Variants in LDLRAD3 observed in about 807,000 individuals in gnomAD.
LDLRAD3 encodes low density lipoprotein receptor class A domain containing 3.
Under a neutral mutation model 29.4 loss-of-function variants are expected in LDLRAD3, and 20 were observed. The observed-to-expected ratio is 0.68, with a 90% CI of 0.48 to 0.99. LDLRAD3 has a LOEUF of 0.99. Among genes scored for constraint, LDLRAD3 ranks in the 50% least tolerant of loss-of-function variants. LDLRAD3 has a pLI of 0.00. For missense variants in LDLRAD3, 420 were observed against 454.3 expected (o/e 0.92, Z 0.69); for synonymous variants, 157 against 192.7 (o/e 0.81, Z 1.53).
chr11:36,124,403 G>A (rs1258948365), intron 4 of LDLRAD3, among the ~76,000 whole-genome samples: 2 of 152,142 alleles, frequency 1.3e-5, no homozygotes, highest in Admixed American at 1.3e-4. Flanking sequence ...AACCCTATAA[G>A]GTAGGTATTC....
At chr11:36,150,470 G>A (rs1432841250) in intron 4 of LDLRAD3, among the ~76,000 whole-genome samples, 1 of 152,068 alleles carries the variant, frequency 6.6e-6, no homozygotes, top group Non-Finnish European at 1.5e-5. Flanking sequence ...CCAGGCTGCC[G>A]TGTGTTATAA....
intron 2 of LDLRAD3, among the ~76,000 whole-genome samples, chr11:36,047,129 G>T (rs917050386): frequency 6.6e-6 from 1 of 152,126 alleles, no homozygotes; most frequent in Admixed American, 6.5e-5. Context: ...ACCTGGGAGG[G>T]CTCCAACTGG....
intron 4 of LDLRAD3, among the ~76,000 whole-genome samples, chr11:36,154,582 C>T (rs1854321106): frequency 6.6e-6 from 1 of 152,180 alleles, no homozygotes; most frequent in African/African-American, 2.4e-5. Flanking sequence ...CCTGTGTTTC[C>T]TGAACTTAAT....
intron 4 of LDLRAD3, among the ~76,000 whole-genome samples, chr11:36,155,323 C>T (rs918577330): frequency 7.2e-5 from 11 of 152,150 alleles, no homozygotes; most frequent in East Asian, 3.8e-4. Context: ...ATTATTTATC[C>T]GGGTCCTTTG....
rs1198185364 is a variant in LDLRAD3 at position 35,948,154 on chromosome 11, A to G, written c.46+4010A>G. 4.6e-5 allele frequency among the ~76,000 whole-genome samples: 7 copies of G among 152,170 alleles called. No homozygotes were observed. The South Asian group carries it at 1.0e-3, about 23-fold the overall frequency. ...TTCGTTTTCATTCTTTGAGCTCTAAATTCGTATTCCCCTCTTAAAATGTGT... is the reference window on the plus strand; with the variant it reads ...TTCGTTTTCATTCTTTGAGCTCTAAGTTCGTATTCCCCTCTTAAAATGTGT... On this transcript the variant is annotated intron_variant, in intron 1 of 5. Coordinates refer to ENST00000315571, the MANE Select transcript of LDLRAD3 (RefSeq NM_174902.4).
chr11:36,120,129 A>T (rs1006426255), intron 4 of LDLRAD3, among the ~76,000 whole-genome samples: 1 of 152,176 alleles, frequency 6.6e-6, no homozygotes, highest in Non-Finnish European at 1.5e-5. Context: ...GCTGTTTTAA[A>T]TAAATACACT....
chr11:36,020,099 A>G (rs917665144), intron 1 of LDLRAD3, among the ~76,000 whole-genome samples: 7 of 152,156 alleles, frequency 4.6e-5, no homozygotes, highest in Non-Finnish European at 8.8e-5. Context: ...TCTGGAGGCA[A>G]GCTTTTACCT....
chr11:35,982,993 A>G (rs1851562116), intron 1 of LDLRAD3, among the ~76,000 whole-genome samples: 1 of 151,776 alleles, frequency 6.6e-6, no homozygotes, highest in Non-Finnish European at 1.5e-5. Flanking sequence ...TGCTGGGACT[A>G]CAGGTGTGCA....
chr11:36,050,703 G>T (rs1852514404), intron 2 of LDLRAD3, among the ~76,000 whole-genome samples: 1 of 152,182 alleles, frequency 6.6e-6, no homozygotes, highest in African/African-American at 2.4e-5. Context: ...CCTTTAGAAG[G>T]ATGTAGAGTT....
At chr11:36,142,384 A>G (rs1854098546) in intron 4 of LDLRAD3, among the ~76,000 whole-genome samples, 1 of 152,294 alleles carries the variant, frequency 6.6e-6, no homozygotes, top group East Asian at 1.9e-4. Flanking sequence ...GTGATTTGTC[A>G]TCATATTCCG....
intron 4 of LDLRAD3, among the ~76,000 whole-genome samples, chr11:36,176,413 G>T (rs1369758994): frequency 4.0e-5 from 6 of 151,138 alleles, no homozygotes; most frequent in African/African-American, 1.5e-4. Context: ...GGCCCTGTGG[G>T]ATTTATGCTT....
chr11:36,192,110 G>C (rs755544702), intron 4 of LDLRAD3, among the ~76,000 whole-genome samples: 1 of 152,168 alleles, frequency 6.6e-6, no homozygotes, highest in Non-Finnish European at 1.5e-5. Context: ...CAAAGAATGC[G>C]ATCGCTTTTA....
At chr11:36,182,655 C>G (rs773146256) in intron 4 of LDLRAD3, among the ~76,000 whole-genome samples, 2 of 152,124 alleles carry the variant, frequency 1.3e-5, no homozygotes, top group Admixed American at 6.6e-5. Context: ...TTCCACAAGC[C>G]CCTTGTTCAC....
intron 1 of LDLRAD3, among the ~76,000 whole-genome samples, chr11:35,986,217 A>G (rs1851613492): frequency 6.6e-6 from 1 of 152,168 alleles, no homozygotes; most frequent in Non-Finnish European, 1.5e-5. Context: ...ATCTCTAGGA[A>G]GAGGCTGAAT....
chr11:35,982,670 A>G (rs1425216115), intron 1 of LDLRAD3, among the ~76,000 whole-genome samples: 1 of 152,064 alleles, frequency 6.6e-6, no homozygotes, highest in African/African-American at 2.4e-5. Flanking sequence ...CACTTGCCCC[A>G]CAGTCTGTCA....
At chr11:36,160,862 TG>T (rs1590320357) in intron 4 of LDLRAD3, among the ~76,000 whole-genome samples, 2 of 138,264 alleles carry the variant, frequency 1.4e-5, no homozygotes, top group East Asian at 4.1e-4. Flanking sequence ...TGGCGCAATC[TG>T]GGCTCACTGC....
chr11:35,963,793 C>T (rs533184626), intron 1 of LDLRAD3, among the ~76,000 whole-genome samples: 4 of 152,240 alleles, frequency 2.6e-5, no homozygotes, highest in Middle Eastern at 3.4e-3. Context: ...GCTTATTGTT[C>T]GCTTACTTGT....
At chr11:35,954,185 A>G (rs1470479016) in intron 1 of LDLRAD3, among the ~76,000 whole-genome samples, 1 of 152,216 alleles carries the variant, frequency 6.6e-6, no homozygotes, top group Non-Finnish European at 1.5e-5. Context: ...AGGTGTCAAA[A>G]ATATAATAGG....
intron 4 of LDLRAD3, among the ~76,000 whole-genome samples, chr11:36,143,260 C>T (rs10768192): frequency 0.36 from 54,197 of 152,046 alleles, 10,736 homozygotes; most frequent in East Asian, 0.61. Flanking sequence ...GGCAGCCTTG[C>T]TTCCCCTGCT....
Sources: gnomAD v4.1 joint callset for allele counts (sites outside exome capture counted in the v4.1 genomes callset) on GRCh38, gnomAD v4.1.1 for gene constraint, MANE v1.5 for transcripts, NCBI Gene and HGNC (gene_info 2026-07-23, HGNC 2026-07-21) for gene names.